KRABD5: variants seen among roughly 807,000 people sequenced by gnomAD.
KRABD5 encodes KRAB domain containing 5.
the KRABD5 span, chr16:31,755,853 C>T: frequency 3.8e-6 from 1 of 263,950 alleles, no homozygotes; most frequent in South Asian, 3.7e-5. Flanking sequence ...CTGAATGTGT[C>T]AGGACTTACA....
chr16:31,743,078 T>G, the KRABD5 span, among the ~76,000 whole-genome samples: 1 of 152,136 alleles, frequency 6.6e-6, no homozygotes, highest in East Asian at 1.9e-4. Context: ...AGATGGGTGG[T>G]TTGTAAACAT....
the KRABD5 span, chr16:31,713,538 C>T: frequency 1.4e-6 from 2 of 1,459,202 alleles, no homozygotes; most frequent in Non-Finnish European, 9.2e-7. Flanking sequence ...CCTGAGTCCC[C>T]GCGGACGCAA....
chr16:31,714,422 G>A, the KRABD5 span: 18 of 456,166 alleles, frequency 3.9e-5, no homozygotes, highest in Middle Eastern at 3.2e-4. Context: ...GTTGAGGTAG[G>A]ATTGGCAGCA....
chr16:31,723,952 A>C, the KRABD5 span, among the ~76,000 whole-genome samples: 1 of 152,226 alleles, frequency 6.6e-6, no homozygotes, highest in African/African-American at 2.4e-5. Flanking sequence ...CATCTTTCCT[A>C]GCCTAAACTA....
chr16:31,729,450 CA>C, the KRABD5 span, among the ~76,000 whole-genome samples: 3 of 152,290 alleles, frequency 2.0e-5, no homozygotes, highest in East Asian at 5.8e-4. Flanking sequence ...CCTTTTATAA[CA>C]AACGCACACT....
the KRABD5 span, among the ~76,000 whole-genome samples, chr16:31,713,955 G>T: frequency 6.6e-6 from 1 of 152,194 alleles, no homozygotes; most frequent in African/African-American, 2.4e-5. Context: ...AATGCTGCTG[G>T]GGAAAAGAAA....
chr16:31,737,779 T>A, the KRABD5 span, among the ~76,000 whole-genome samples: 1 of 152,188 alleles, frequency 6.6e-6, no homozygotes, highest in African/African-American at 2.4e-5. Context: ...AGATTGTTTA[T>A]CCATCTGTGG....
the KRABD5 span, among the ~76,000 whole-genome samples, chr16:31,736,321 G>A: frequency 6.6e-6 from 1 of 151,948 alleles, no homozygotes; most frequent in South Asian, 2.1e-4. Flanking sequence ...TTTGAAGTCA[G>A]GTAGTGTGAT....
chr16:31,761,191 A>G, the KRABD5 span: 1 of 152,114 alleles, frequency 6.6e-6, no homozygotes, highest in Non-Finnish European at 1.5e-5. Flanking sequence ...TGCCCTTTGC[A>G]ATGCATGTTT....
the KRABD5 span, chr16:31,754,361 G>C: frequency 1.6e-6 from 1 of 611,820 alleles, no homozygotes. Context: ...TCAAGGAATA[G>C]ATAATTTGGG....
the KRABD5 span, among the ~76,000 whole-genome samples, chr16:31,742,692 G>A: frequency 6.6e-6 from 1 of 152,162 alleles, no homozygotes; most frequent in African/African-American, 2.4e-5. Flanking sequence ...TGGGATTGCT[G>A]GGTCAAATAG....
chr16:31,754,047 G>A, the KRABD5 span: 1 of 964,224 alleles, frequency 1.0e-6, no homozygotes, highest in Non-Finnish European at 1.6e-6. Context: ...ATGTGTTTCT[G>A]TAAGTAAGTG....
At chr16:31,740,206 C>T in the KRABD5 span, among the ~76,000 whole-genome samples, 9 of 152,248 alleles carry the variant, frequency 5.9e-5, no homozygotes, top group South Asian at 1.7e-3. Context: ...TCTCCACGAC[C>T]GAGCTGGTCT....
At chr16:31,736,766 C>T in the KRABD5 span, among the ~76,000 whole-genome samples, 6 of 152,106 alleles carry the variant, frequency 3.9e-5, no homozygotes, top group East Asian at 1.2e-3. Flanking sequence ...GTGATCCACC[C>T]GTCTCAGCTT....
At chr16:31,728,133 G>A in the KRABD5 span, among the ~76,000 whole-genome samples, 3 of 152,190 alleles carry the variant, frequency 2.0e-5, no homozygotes, top group Non-Finnish European at 4.4e-5. Flanking sequence ...GGGATTACAA[G>A]CATGAGGAAG....
At chr16:31,753,986 A>G in the KRABD5 span, 4 of 1,502,266 alleles carry the variant, frequency 2.7e-6, no homozygotes, top group African/African-American at 5.6e-5. Context: ...CTGTTACAGG[A>G]GGTCAAAAAC....
the KRABD5 span, chr16:31,759,376 A>G: frequency 7.1e-7 from 1 of 1,409,540 alleles, no homozygotes; most frequent in Non-Finnish European, 9.3e-7. Flanking sequence ...TCCTATGGTG[A>G]AAAAAATCAA....
At chr16:31,725,459 G>A in the KRABD5 span, among the ~76,000 whole-genome samples, 1 of 152,136 alleles carries the variant, frequency 6.6e-6, no homozygotes, top group Admixed American at 6.6e-5. Flanking sequence ...GTGGAATTGA[G>A]GTTCATATGG....
the KRABD5 span, among the ~76,000 whole-genome samples, chr16:31,725,203 C>A: frequency 6.6e-6 from 1 of 152,122 alleles, no homozygotes; most frequent in South Asian, 2.1e-4. Context: ...ACAACCTCCG[C>A]TTCCTGGGTT....
Sources: allele counts gnomAD v4.1 joint callset (sites outside exome capture counted in the v4.1 genomes callset), GRCh38; gene constraint gnomAD v4.1.1; transcripts MANE v1.5; gene names NCBI Gene and HGNC (gene_info 2026-07-23, HGNC 2026-07-21).